The following MARCHF1 variants were observed in gnomAD, a reference collection of about 807,000 sequenced individuals.
MARCHF1 encodes the protein E3 ubiquitin-protein ligase MARCHF1.
A neutral mutation model predicts 54.2 loss-of-function variants in MARCHF1; 40 were observed. The ratio of observed to expected loss-of-function variants is 0.74; its 90% CI spans 0.57 to 0.96. The LOEUF (loss-of-function observed/expected upper bound fraction) is 0.96. Among genes scored for constraint, MARCHF1 ranks in the 40% least tolerant of loss-of-function variants. MARCHF1 has a pLI of 0.00. For missense variants in MARCHF1, 586 were observed against 656.5 expected (o/e 0.89, Z 1.17); for synonymous variants, 236 against 236.3 (o/e 1.00, Z 0.01).
At chr4:163,701,692 T>C (rs1561027463) in intron 4 of MARCHF1, among the ~76,000 whole-genome samples, 1 of 152,164 alleles carries the variant, frequency 6.6e-6, no homozygotes, top group Non-Finnish European at 1.5e-5. Flanking sequence ...GCATTCTACA[T>C]GTAGAAAGAG....
intron 2 of MARCHF1, among the ~76,000 whole-genome samples, chr4:164,097,438 GGTT>G (rs1440619776): frequency 2.6e-5 from 4 of 151,966 alleles, no homozygotes; most frequent in African/African-American, 9.7e-5. Flanking sequence ...ACCATATTTT[GGTT>G]ATTATAGATA....
chr4:163,616,508 C>T (rs1267837667), intron 5 of MARCHF1, among the ~76,000 whole-genome samples: 1 of 152,054 alleles, frequency 6.6e-6, no homozygotes, highest in African/African-American at 2.4e-5. Context: ...AAAAAGTGCT[C>T]AATATCACTA....
chr4:163,853,977 A>G (rs1749703369), intron 4 of MARCHF1, 44 bp downstream of exon 4: 1 of 1,520,296 alleles, frequency 6.6e-7, no homozygotes. Context: ...TTAGCATTCT[A>G]TTTACATATA....
chr4:163,576,635 GGT>G (rs1313361254), intron 8 of MARCHF1, among the ~76,000 whole-genome samples: 1 of 151,952 alleles, frequency 6.6e-6, no homozygotes, highest in African/African-American at 2.4e-5. Context: ...TTGTCAGTGG[GGT>G]GTTGCCCACT....
intron 3 of MARCHF1, among the ~76,000 whole-genome samples, chr4:163,894,198 T>C (rs1750725162): frequency 6.6e-6 from 1 of 152,138 alleles, no homozygotes; most frequent in Non-Finnish European, 1.5e-5. Context: ...CAGCTAACTG[T>C]AAGAAGAAAA....
intron 4 of MARCHF1, among the ~76,000 whole-genome samples, chr4:163,749,791 T>C (rs2047161): frequency 0.38 from 57,162 of 151,692 alleles, 11,177 homozygotes; most frequent in Non-Finnish European, 0.43. Flanking sequence ...AGGCCAGGTG[T>C]GGTGACTCAC....
intron 5 of MARCHF1, among the ~76,000 whole-genome samples, chr4:163,643,463 G>A (rs544695903): frequency 8.7e-4 from 133 of 152,206 alleles, no homozygotes; most frequent in Middle Eastern, 3.4e-3. Flanking sequence ...TGATCCACCT[G>A]CCTTAGCTTC....
intron 1 of MARCHF1, among the ~76,000 whole-genome samples, chr4:164,273,403 G>A (rs1186146669): frequency 6.6e-6 from 1 of 152,074 alleles, no homozygotes; most frequent in South Asian, 2.1e-4. Flanking sequence ...TTGACATGTG[G>A]GGATTATGGG....
intron 1 of MARCHF1, among the ~76,000 whole-genome samples, chr4:164,232,209 G>C (rs148437164): frequency 0.01 from 1,534 of 152,068 alleles, 28 homozygotes; most frequent in African/African-American, 0.035. Context: ...GCCATCACTT[G>C]AATGCCAAAC....
intron 1 of MARCHF1, among the ~76,000 whole-genome samples, chr4:164,181,102 G>T (rs1170221852): frequency 6.6e-6 from 1 of 152,084 alleles, no homozygotes; most frequent in Non-Finnish European, 1.5e-5. Flanking sequence ...AGCTCCCACA[G>T]TGTGGGGTCC....
intron 1 of MARCHF1, among the ~76,000 whole-genome samples, chr4:164,171,346 A>C (rs1230248078): frequency 2.0e-5 from 3 of 152,160 alleles, no homozygotes; most frequent in African/African-American, 4.8e-5. Context: ...TGGAAAAATG[A>C]CTATATAATT....
At chr4:164,197,967 C>G (rs1284952121) in intron 1 of MARCHF1, among the ~76,000 whole-genome samples, 1 of 152,076 alleles carries the variant, frequency 6.6e-6, no homozygotes, top group Non-Finnish European at 1.5e-5. Context: ...CTGATGCTCA[C>G]GTTGATAATT....
intron 2 of MARCHF1, among the ~76,000 whole-genome samples, chr4:164,101,205 C>G (rs1184624026): frequency 1.3e-5 from 2 of 152,196 alleles, no homozygotes; most frequent in African/African-American, 4.8e-5. Flanking sequence ...CGCCATTGCC[C>G]AGGCTTGATT....
intron 2 of MARCHF1, among the ~76,000 whole-genome samples, chr4:163,999,005 C>A (rs1753133953): frequency 6.6e-6 from 1 of 151,542 alleles, no homozygotes; most frequent in South Asian, 2.1e-4. Flanking sequence ...TTACAGTTTT[C>A]AATTTTTAAG....
At chr4:163,661,175 C>T (rs1175269017) in intron 5 of MARCHF1, among the ~76,000 whole-genome samples, 5 of 151,968 alleles carry the variant, frequency 3.3e-5, no homozygotes, top group East Asian at 1.9e-4. Flanking sequence ...TTTGGCTACA[C>T]GAATATTAAG....
At chr4:163,580,022 C>T (rs1740168114) in intron 8 of MARCHF1, among the ~76,000 whole-genome samples, 2 of 151,938 alleles carry the variant, frequency 1.3e-5, no homozygotes. Context: ...ATCAAAAGAA[C>T]AGAAGTTCAT....
rs3059788 is a variant in MARCHF1, at chr4:164,176,970, C to CA, written c.-322-65309_-322-65308insT. 3.5e-3 allele frequency among the ~76,000 whole-genome samples: 201 copies of CA among 57,436 alleles called. 26 individuals are homozygous for CA. Among genetic ancestry groups the CA allele is most frequent in the Middle Eastern group, 7.4e-3 (1 of 136 alleles). The allele number at this position is 57,436 out of a possible 152,430, so 37.7% of individuals were successfully genotyped here. ...TCTCTCTCTCTCTCTCTCTCTCTCT[C>CA]TCTCTCTCTCTATATATATATATAT... On this transcript the variant is annotated intron_variant, in intron 1 of 9. Transcript: ENST00000514618.
rs147666221 is a variant in MARCHF1, at chr4:164,133,321, T to A, written c.-322-21659A>T. Among the ~76,000 whole-genome samples the A allele has an allele frequency of 2.6e-3, 390 of 152,294 alleles. 8 individuals carry two copies. Among genetic ancestry groups the A allele is most frequent in the East Asian group, 0.02 (104 of 5,186 alleles). On this transcript the variant is annotated intron_variant, in intron 1 of 9. Coordinates refer to ENST00000514618, the MANE Select transcript of MARCHF1 (RefSeq NM_001394959.1). ...GCCTAGTTTAAAACTGGAGGACATG[T>A]CCATTATTACTGCGCAATGAATCCA...
chr4:163,753,494 CT>C (rs1428606596), intron 4 of MARCHF1, among the ~76,000 whole-genome samples: 1 of 151,808 alleles, frequency 6.6e-6, no homozygotes, highest in African/African-American at 2.4e-5. Flanking sequence ...GGAAAGTTGT[CT>C]GTAGGAGAGA....
Sources: gnomAD v4.1 joint callset for allele counts (sites outside exome capture counted in the v4.1 genomes callset) on GRCh38, gnomAD v4.1.1 for gene constraint, MANE v1.5 for transcripts, NCBI Gene and HGNC (gene_info 2026-07-23, HGNC 2026-07-21) for gene names.